The following AP4E1 variants were observed in gnomAD, a reference collection of about 807,000 sequenced individuals.
AP4E1 encodes the protein AP-4 complex subunit epsilon-1.
AP4E1 carries 56 observed loss-of-function variants against 128.2 expected under a neutral mutation model. That is an observed-to-expected ratio of 0.44 (90% confidence interval 0.35 to 0.55). The LOEUF (loss-of-function observed/expected upper bound fraction) is 0.55. Among genes scored for constraint, AP4E1 ranks in the 20% least tolerant of loss-of-function variants. The pLI is 0.00. For missense variants in AP4E1, 1,324 were observed against 1,307.7 expected (o/e 1.01, Z -0.19); for synonymous variants, 484 against 473.1 (o/e 1.02, Z -0.30).
intron 14 of AP4E1, among the ~76,000 whole-genome samples, chr15:50,961,710 C>T (rs141432579): frequency 2.6e-5 from 4 of 152,066 alleles, no homozygotes; most frequent in Non-Finnish European, 5.9e-5. Context: ...AGGATGCCCA[C>T]TTTCATCACT....
chr15:50,983,415 G>A (rs1448364683), intron 15 of AP4E1, among the ~76,000 whole-genome samples: 2 of 152,132 alleles, frequency 1.3e-5, no homozygotes, highest in Admixed American at 1.3e-4. Context: ...AATGTCTCTG[G>A]GTGGTCATGA....
At chr15:50,908,238 A>G (rs1001268722), upstream of AP4E1, among the ~76,000 whole-genome samples, 2 of 151,664 alleles carry the variant, frequency 1.3e-5, no homozygotes, top group Non-Finnish European at 2.9e-5. Flanking sequence ...GGGTGTCCCA[A>G]GAGTCGCCAG....
At chr15:50,973,222 T>A (rs2064506694) in intron 15 of AP4E1, among the ~76,000 whole-genome samples, 2 of 152,188 alleles carry the variant, frequency 1.3e-5, no homozygotes, top group African/African-American at 4.8e-5. Flanking sequence ...TGTCCTTTAA[T>A]GATTTTGTTG....
intron 17 of AP4E1, among the ~76,000 whole-genome samples, chr15:50,995,909 A>G (rs757760214): frequency 2.0e-5 from 3 of 150,170 alleles, no homozygotes; most frequent in Admixed American, 6.6e-5. Context: ...ACCAGAAAAG[A>G]CCAAAAAAAG....
chr15:50,988,864 C>A (rs2064766410), intron 16 of AP4E1, among the ~76,000 whole-genome samples: 1 of 152,128 alleles, frequency 6.6e-6, no homozygotes, highest in Non-Finnish European at 1.5e-5. Context: ...TTCCAGCCAC[C>A]TTGAAAATTG....
In AP4E1 at chr15:50,958,529, C is replaced by T. The variant is rs200110517; in HGVS notation, c.1586C>T (p.Thr529Met). ...TATTCCTACCTCTTAGATAAGGAAA[C>T]GCCAGAGGAAGTTATAGCTAAGCTC... is the stretch of plus-strand genomic sequence containing the variant. ...GEYSYLLDKE[T>M]PEEVIAKLYK... The change falls in exon 14 of 21, where the codon ACG becomes ATG. Residue 529 changes from threonine to methionine, a missense_variant. Coordinates refer to ENST00000261842, the MANE Select transcript of AP4E1 (RefSeq NM_007347.5). 365 of 1,613,434 alleles carry T rather than the reference C, an allele frequency of 2.3e-4. 2 individuals are homozygous for T. The highest frequency in any genetic ancestry group is 3.2e-4 in the African/African-American group (24 of 75,002).
At chr15:50,942,855 A>G (rs2064006597) in intron 10 of AP4E1, among the ~76,000 whole-genome samples, 1 of 151,904 alleles carries the variant, frequency 6.6e-6, no homozygotes, top group African/African-American at 2.4e-5. Flanking sequence ...AGAGTAAAAA[A>G]TTCTGTTTAT....
At position 50,997,805 on chromosome 15, in the gene AP4E1, G is replaced by A; in HGVS notation, c.2826G>A (p.Met942Ile). ...TTTGGAAAGATGATTGTTTATTGAT[G>A]GTCTGGTCAGTCACTAATAAGAGTG... The part of the protein sequence containing the change: ...YKIWKDDCLL[M>I]VWSVTNKSGL... The change falls in exon 18 of 21, where the codon ATG (methionine) becomes ATA (isoleucine). Residue 942 changes from methionine to isoleucine, a missense_variant. Coordinates refer to ENST00000261842, the MANE Select transcript of AP4E1 (RefSeq NM_007347.5). The A allele has an allele frequency of 6.2e-7, 1 of 1,607,714 alleles. No individual in the cohort carries two copies. Among genetic ancestry groups the A allele is most frequent in the Non-Finnish European group, 8.5e-7 (1 of 1,176,278 alleles).
At chr15:50,958,877 A>G (rs1441428127) in intron 14 of AP4E1, 83 bp downstream of exon 14, 2 of 1,397,802 alleles carry the variant, frequency 1.4e-6, no homozygotes, top group Non-Finnish European at 1.0e-6. Context: ...TATCAGGAAT[A>G]TATCAAAATG....
chr15:50,985,566 G>A (rs1285389429), intron 16 of AP4E1, among the ~76,000 whole-genome samples: 1 of 152,122 alleles, frequency 6.6e-6, no homozygotes, highest in African/African-American at 2.4e-5. Flanking sequence ...ATTAAATAGG[G>A]AATCCTTTCC....
intron 13 of AP4E1, among the ~76,000 whole-genome samples, chr15:50,951,092 G>A (rs2140864671): frequency 6.6e-6 from 1 of 152,266 alleles, no homozygotes; most frequent in South Asian, 2.1e-4. Context: ...AGTGGCTTAA[G>A]ACAATACAAA....
chr15:50,986,764 A>G (rs2064730022), intron 16 of AP4E1, among the ~76,000 whole-genome samples: 2 of 152,114 alleles, frequency 1.3e-5, no homozygotes, highest in South Asian at 4.1e-4. Flanking sequence ...TTGGTCTAAA[A>G]TTCTCTTTTT....
intron 10 of AP4E1, chr15:50,945,227 A>C (rs1596474582): frequency 1.3e-6 from 1 of 791,192 alleles, no homozygotes; most frequent in Admixed American, 1.7e-5. Context: ...CTAATCCTGT[A>C]TGTTCAATGA....
At position 50,967,185 on chromosome 15, in the gene AP4E1, A is replaced by G. The variant is rs116530304; in HGVS notation, c.1852-1078A>G. Reference sequence around the variant, plus strand: ...ATATTAGGATAGTTAAATCAAAGGCACTGTGGGAGGCTGAATAATGGCCCT... The same window carrying G: ...ATATTAGGATAGTTAAATCAAAGGCGCTGTGGGAGGCTGAATAATGGCCCT... On this transcript the variant is annotated intron_variant, in intron 14 of 20. Coordinates refer to ENST00000261842, the MANE Select transcript of AP4E1 (RefSeq NM_007347.5). Among the ~76,000 whole-genome samples, 326 of 152,366 alleles carry G rather than the reference A, an allele frequency of 2.1e-3. 2 individuals carry two copies. The highest frequency in any genetic ancestry group is 7.6e-3 in the African/African-American group (316 of 41,592).
intron 15 of AP4E1, among the ~76,000 whole-genome samples, chr15:50,977,475 C>T (rs1433856560): frequency 4.6e-5 from 7 of 152,016 alleles, no homozygotes; most frequent in South Asian, 4.1e-4. Flanking sequence ...AATCTGTGTG[C>T]TTCAAAAGTC....
chr15:50,956,719 T>C (rs1439411953), intron 13 of AP4E1, among the ~76,000 whole-genome samples: 1 of 152,238 alleles, frequency 6.6e-6, no homozygotes, highest in Non-Finnish European at 1.5e-5. Context: ...CACCTGGTCC[T>C]GCCCTTGACA....
chr15:50,998,437 C>G (rs2064911400), intron 18 of AP4E1, among the ~76,000 whole-genome samples: 1 of 152,006 alleles, frequency 6.6e-6, no homozygotes, highest in African/African-American at 2.4e-5. Flanking sequence ...TGAGACCAGC[C>G]TGACCAACAT....
intron 10 of AP4E1, chr15:50,945,880 C>A: frequency 1.1e-6 from 1 of 915,142 alleles, no homozygotes; most frequent in Non-Finnish European, 1.8e-6. Flanking sequence ...GATTCAGGAA[C>A]AGTGCATCAT....
In AP4E1 at chr15:50,934,621, C is replaced by G; in HGVS notation, c.870-3C>G. 1.3e-6 allele frequency: 2 copies of G among 1,599,130 alleles called. No homozygotes were observed. Among genetic ancestry groups the G allele is most frequent in the Non-Finnish European group, 1.7e-6 (2 of 1,167,490 alleles). On this transcript the variant is annotated splice_region_variant and splice_polypyrimidine_tract_variant and intron_variant, in intron 7 of 20. Transcript: ENST00000261842. ...TACTGCAAATAAAATATCTTTTAAACAGGACAAGTGAATTAATGTATGATG... is the reference window on the plus strand; with the variant it reads ...TACTGCAAATAAAATATCTTTTAAAGAGGACAAGTGAATTAATGTATGATG...
Sources: gnomAD v4.1 joint callset for allele counts (sites outside exome capture counted in the v4.1 genomes callset) on GRCh38, gnomAD v4.1.1 for gene constraint, MANE v1.5 for transcripts, NCBI Gene and HGNC (gene_info 2026-07-23, HGNC 2026-07-21) for gene names.